NR2F1-AS1: variants seen among roughly 807,000 people sequenced by gnomAD.
NR2F1-AS1 encodes NR2F1 antisense RNA 1.
At chr5:93,484,512 G>C (rs1750673815) in intron 4 of NR2F1-AS1, among the ~76,000 whole-genome samples, 1 of 152,166 alleles carries the variant, frequency 6.6e-6, no homozygotes, top group South Asian at 2.1e-4. Flanking sequence ...AAATGGTAAA[G>C]ACCATTGACA....
rs374200874 is a variant in NR2F1-AS1, at chr5:93,550,396, A to G, written n.638+3365T>C. 4.9e-4 allele frequency among the ~76,000 whole-genome samples: 75 copies of G among 152,332 alleles called. 3 individuals are homozygous for G. The South Asian group carries it at 0.015, about 31-fold the overall frequency. On this transcript the variant is annotated intron_variant and non_coding_transcript_variant, in intron 4 of 5. Coordinates refer to ENST00000660523, the Ensembl canonical transcript of NR2F1-AS1. ...ATTAATAACCATTAGAATGCTCCAC[A>G]TTTTTAAGTTTGCAACATCATGGCC...
At chr5:93,497,732 T>C (rs1750994559) in intron 4 of NR2F1-AS1, among the ~76,000 whole-genome samples, 2 of 152,186 alleles carry the variant, frequency 1.3e-5, no homozygotes, top group South Asian at 4.1e-4. Context: ...ACAGATGACA[T>C]AATAAATATA....
chr5:93,581,490 A>AG, upstream of NR2F1-AS1, among the ~76,000 whole-genome samples: 1 of 152,192 alleles, frequency 6.6e-6, no homozygotes, highest in South Asian at 2.1e-4. Flanking sequence ...GAAAAGGCAC[A>AG]GGCTGCCTGC....
chr5:93,513,437 G>T (rs1751341751), intron 4 of NR2F1-AS1, among the ~76,000 whole-genome samples: 1 of 152,096 alleles, frequency 6.6e-6, no homozygotes, highest in South Asian at 2.1e-4. Context: ...TAGTGAATTG[G>T]ATAAAGAAAA....
chr5:93,585,075 G>C, upstream of NR2F1-AS1: 1 of 1,028,298 alleles, frequency 9.7e-7, no homozygotes, highest in Non-Finnish European at 1.2e-6. Flanking sequence ...CGTGGCCGGG[G>C]GCAACCCCGG....
chr5:93,578,046 G>A (rs1050114263), intron 1 of NR2F1-AS1, among the ~76,000 whole-genome samples: 3 of 152,114 alleles, frequency 2.0e-5, no homozygotes, highest in South Asian at 2.1e-4. Context: ...GGGAGACCAA[G>A]ATATCAATAT....
chr5:93,439,346 T>C (rs1161156721), intron 4 of NR2F1-AS1, among the ~76,000 whole-genome samples: 2 of 152,158 alleles, frequency 1.3e-5, no homozygotes, highest in African/African-American at 4.8e-5. Context: ...CAGGCTGGAG[T>C]GGAGTGGCGC....
intron 4 of NR2F1-AS1, among the ~76,000 whole-genome samples, chr5:93,460,721 A>G (rs900923181): frequency 6.6e-5 from 10 of 152,128 alleles, no homozygotes; most frequent in African/African-American, 2.2e-4. Flanking sequence ...CAACAAACAC[A>G]TGAAAAAAAA....
At chr5:93,468,594 G>A (rs1750295672) in intron 4 of NR2F1-AS1, among the ~76,000 whole-genome samples, 1 of 152,170 alleles carries the variant, frequency 6.6e-6, no homozygotes, top group Admixed American at 6.5e-5. Context: ...CATTCTGTAG[G>A]TTGTCTGTTC....
At chr5:93,566,558 A>G (rs1015284501) in intron 1 of NR2F1-AS1, among the ~76,000 whole-genome samples, 1 of 152,078 alleles carries the variant, frequency 6.6e-6, no homozygotes, top group African/African-American at 2.4e-5. Context: ...TCAGAACACA[A>G]GAAAAAGAGT....
At chr5:93,433,627 G>A (rs1402532299) in intron 4 of NR2F1-AS1, among the ~76,000 whole-genome samples, 1 of 152,202 alleles carries the variant, frequency 6.6e-6, no homozygotes, top group Non-Finnish European at 1.5e-5. Context: ...ACTGTATAGA[G>A]ATGGTACTGA....
chr5:93,537,089 G>A (rs1285561495), intron 4 of NR2F1-AS1, among the ~76,000 whole-genome samples: 1 of 152,136 alleles, frequency 6.6e-6, no homozygotes, highest in Non-Finnish European at 1.5e-5. Context: ...CAATTGCCCA[G>A]TCTCAGGTAT....
At chr5:93,418,588 A>AAAATAAATAAATAAATAAAT (rs56873600) in intron 4 of NR2F1-AS1, among the ~76,000 whole-genome samples, 89 of 149,518 alleles carry the variant, frequency 6.0e-4, no homozygotes, top group African/African-American at 2.1e-3. Context: ...CCGTCTCATA[A>AAAATAAATAAATAAATAAAT]AAATAAATAA....
At chr5:93,467,105 T>A (rs186050629) in intron 4 of NR2F1-AS1, among the ~76,000 whole-genome samples, 176 of 152,264 alleles carry the variant, frequency 1.2e-3, no homozygotes, top group Non-Finnish European at 1.5e-3. Flanking sequence ...TTTCACCACA[T>A]TGGCCAGGCT....
intron 1 of NR2F1-AS1, among the ~76,000 whole-genome samples, chr5:93,565,833 T>C (rs1752605885): frequency 6.6e-6 from 1 of 150,540 alleles, no homozygotes; most frequent in Non-Finnish European, 1.5e-5. Context: ...TGTGCTAAAA[T>C]ATATATATAT....
intron 4 of NR2F1-AS1, among the ~76,000 whole-genome samples, chr5:93,501,863 ATTTT>A (rs1751087512): frequency 6.6e-6 from 1 of 152,106 alleles, no homozygotes; most frequent in Non-Finnish European, 1.5e-5. Flanking sequence ...CTACAGAGAA[ATTTT>A]TCATGAAAGA....
upstream of NR2F1-AS1, chr5:93,585,041 C>T: frequency 9.7e-7 from 1 of 1,033,872 alleles, no homozygotes; most frequent in Non-Finnish European, 1.2e-6. Flanking sequence ...TGGTAGTTAG[C>T]AGCTGGCGAG....
At chr5:93,426,941 G>A (rs934129099) in intron 4 of NR2F1-AS1, among the ~76,000 whole-genome samples, 9 of 152,256 alleles carry the variant, frequency 5.9e-5, no homozygotes, top group South Asian at 4.2e-4. Flanking sequence ...CAGGACTTGG[G>A]AACTGCATAA....
At position 93,481,801 on chromosome 5, in the gene NR2F1-AS1, T is replaced by TA. The variant is rs200843258; in HGVS notation, n.638+71959dup. Among the ~76,000 whole-genome samples, 483 of 151,686 alleles carry TA rather than the reference T, an allele frequency of 3.2e-3. 1 individual carries two copies. The highest frequency in any genetic ancestry group is 0.011 in the African/African-American group (451 of 41,390). Reference sequence around the variant, plus strand: ...CACAGAAATTAAATAACATATTCTTTAAAAAAAATAGGTTAAGAAAGAAAT... The same window carrying TA: ...CACAGAAATTAAATAACATATTCTTTAAAAAAAAATAGGTTAAGAAAGAAAT... On this transcript the variant is annotated intron_variant and non_coding_transcript_variant, in intron 4 of 5. Coordinates refer to ENST00000660523, the Ensembl canonical transcript of NR2F1-AS1.
Sources: allele counts gnomAD v4.1 joint callset (sites outside exome capture counted in the v4.1 genomes callset), GRCh38; gene constraint gnomAD v4.1.1; transcripts MANE v1.5; gene names NCBI Gene and HGNC (gene_info 2026-07-23, HGNC 2026-07-21).